The following PKHD1L1 variants were observed in gnomAD, a reference collection of about 807,000 sequenced individuals.
The protein encoded by PKHD1L1 is fibrocystin-L.
In PKHD1L1, 434 loss-of-function variants were observed where a neutral mutation model predicts 462.9. That is an observed-to-expected ratio of 0.94 (90% CI 0.87 to 1.02). PKHD1L1 has a LOEUF of 1.02. PKHD1L1 is among the 50% of genes least tolerant of loss of function. The probability of loss-of-function intolerance (pLI) is 0.00; values close to 1 mark genes in which losing one functional copy is unlikely to be tolerated. For missense variants in PKHD1L1, 5,202 were observed against 5,096.1 expected, an observed-to-expected ratio of 1.02 and a Z score of -0.63; for synonymous variants, 1,781 against 1,750.0, an observed-to-expected ratio of 1.02 and a Z score of -0.44.
chr8:109,375,088 C>A (rs1198516885), intron 2 of PKHD1L1, among the ~76,000 whole-genome samples: 5 of 152,202 alleles, frequency 3.3e-5, no homozygotes, highest in Non-Finnish European at 4.4e-5. Flanking sequence ...TAATATCCTG[C>A]AGAGCGTTTT....
At chr8:109,441,091 G>A (rs1182466925) in intron 33 of PKHD1L1, among the ~76,000 whole-genome samples, 184 bp from the exon 34 acceptor site, 5 of 151,892 alleles carry the variant, frequency 3.3e-5, no homozygotes, top group African/African-American at 7.3e-5. Flanking sequence ...GAGTTTTTCC[G>A]CAAATAATTA....
chr8:109,533,374 T>A lies in PKHD1L1; in HGVS notation c.*3284T>A, dbSNP rs1227872114. On this transcript the variant is annotated 3_prime_UTR_variant, in exon 78 of 78. Coordinates refer to ENST00000378402, the MANE Select transcript of PKHD1L1 (RefSeq NM_177531.6). The stretch of plus-strand genomic sequence containing the variant: ...GCCACTCTTGTTTTTATTTCCATAA[T>A]GTGGCCTATATCATGTCAATCCCTG... 6.6e-6 allele frequency among the ~76,000 whole-genome samples: 1 copy of A among 152,210 alleles called. No homozygotes were observed. Among genetic ancestry groups the A allele is most frequent in the African/African-American group, 2.4e-5 (1 of 41,450 alleles).
chr8:109,422,417 A>C (rs1476271217), intron 23 of PKHD1L1, among the ~76,000 whole-genome samples: 1 of 152,124 alleles, frequency 6.6e-6, no homozygotes, highest in Non-Finnish European at 1.5e-5. Flanking sequence ...TCATTCTCTC[A>C]ATAATTTTGT....
chr8:109,371,330 T>C (rs191764236), intron 2 of PKHD1L1, among the ~76,000 whole-genome samples: 4,685 of 152,290 alleles, frequency 0.031, 110 homozygotes, highest in South Asian at 0.071. Context: ...TCATATCCTT[T>C]GCCCACTTTT....
chr8:109,381,957 T>G (rs1205449713), intron 3 of PKHD1L1, among the ~76,000 whole-genome samples: 10 of 152,154 alleles, frequency 6.6e-5, no homozygotes, highest in Non-Finnish European at 1.3e-4. Context: ...TATTAGCAAC[T>G]TAGGAAAAAT....
intron 39 of PKHD1L1, among the ~76,000 whole-genome samples, chr8:109,449,024 A>C (rs1816331645): frequency 6.6e-6 from 1 of 152,150 alleles, no homozygotes; most frequent in Admixed American, 6.5e-5. Flanking sequence ...ATCTACTTAA[A>C]ATAGTAATTG....
chr8:109,479,712 C>G, intron 54 of PKHD1L1, 73 bp downstream of exon 54: 1 of 1,060,474 alleles, frequency 9.4e-7, no homozygotes, highest in Admixed American at 2.4e-5. Flanking sequence ...GTAGATGTCA[C>G]AGTTTTATCA....
chr8:109,386,195 C>T (rs1812433905), intron 6 of PKHD1L1, among the ~76,000 whole-genome samples: 4 of 152,144 alleles, frequency 2.6e-5, no homozygotes, highest in African/African-American at 9.7e-5. Flanking sequence ...GGCTAGTTAG[C>T]TAATGTCAAA....
intron 55 of PKHD1L1, chr8:109,480,473 G>T: frequency 4.7e-6 from 2 of 421,472 alleles, no homozygotes; most frequent in Admixed American, 5.9e-5. Context: ...ACAAGTAAAA[G>T]AATTTAAGCC....
chr8:109,464,475 A>G lies in PKHD1L1; in HGVS notation c.7643A>G (p.Gln2548Arg). 4 of 1,613,750 alleles carry G rather than the reference A, an allele frequency of 2.5e-6. No individual in the cohort carries two copies. Among genetic ancestry groups the G allele is most frequent in the Non-Finnish European group, 3.4e-6 (4 of 1,179,758 alleles). ...LQYNLAVFVQ[Q>R]STSLLNDDVT... ...TATAACTTGGCAGTATTTGTACAGCAAAGTACCAGTCTTCTGAATGATGAT... is the reference window on the plus strand; with the variant it reads ...TATAACTTGGCAGTATTTGTACAGCGAAGTACCAGTCTTCTGAATGATGAT... The change falls in exon 49 of 78, where the codon CAA becomes CGA. Residue 2548 changes from glutamine (Q) to arginine (R), a missense_variant. This residue lies in a region of PKHD1L1 where 4,497 missense variants were observed against 4,336.8 expected (regional missense o/e 1.04). Coordinates refer to ENST00000378402, the MANE Select transcript of PKHD1L1 (RefSeq NM_177531.6).
At chr8:109,368,098 T>C (rs1470454499) in intron 2 of PKHD1L1, among the ~76,000 whole-genome samples, 1 of 152,232 alleles carries the variant, frequency 6.6e-6, no homozygotes, top group Non-Finnish European at 1.5e-5. Flanking sequence ...TTATATTGGC[T>C]TTGTTACTTT....
intron 73 of PKHD1L1, among the ~76,000 whole-genome samples, chr8:109,519,499 T>A (rs1586660237): frequency 6.6e-6 from 1 of 152,182 alleles, no homozygotes; most frequent in South Asian, 2.1e-4. Context: ...ACTACTGAAC[T>A]TTCCTGGTCT....
rs750414331 is a variant in PKHD1L1 at position 109,438,992 on chromosome 8, C to A, written c.3856C>A (p.His1286Asn). 1 of 1,613,674 alleles carries A rather than the reference C, an allele frequency of 6.2e-7. No homozygotes were observed. Among genetic ancestry groups the A allele is most frequent in the South Asian group, 1.1e-5 (1 of 91,060 alleles). ...TGGAGGAAAAACCTGCCAGATTCTT[C>A]ACTGGAACTTCACAGATATTAGATG... ...YVGGKTCQILHWNFTDIRCLL... is the reference protein window; with the variant it reads ...YVGGKTCQILNWNFTDIRCLL... Residue 1286 changes from histidine to asparagine, a missense_variant, in exon 32 of 78, where the codon CAC (histidine) becomes AAC (asparagine). Physicochemically the swap from His to Asn is moderately conservative, Grantham distance 68 (BLOSUM62 1). This residue lies in a region of PKHD1L1 where 4,497 missense variants were observed against 4,336.8 expected (regional missense o/e 1.04). Coordinates refer to ENST00000378402, the MANE Select transcript of PKHD1L1 (RefSeq NM_177531.6).
At chr8:109,461,527 T>C (rs1817124263) in intron 47 of PKHD1L1, among the ~76,000 whole-genome samples, 1 of 152,198 alleles carries the variant, frequency 6.6e-6, no homozygotes, top group Admixed American at 6.6e-5. Context: ...ATCATTCAAA[T>C]ATTTGTTTAG....
In PKHD1L1 at chr8:109,523,028, G is replaced by C. The variant is rs1820632472; in HGVS notation, c.12330+138G>C. On this transcript the variant is annotated intron_variant, in intron 75 of 77. Coordinates refer to ENST00000378402, the MANE Select transcript of PKHD1L1 (RefSeq NM_177531.6). ...TTTCAGAAGTTGGACTAATATCCAA[G>C]GATACCATCTTGTAATGTCTCAAAA... is the stretch of plus-strand genomic sequence containing the variant. 13 of 1,073,226 alleles carry C rather than the reference G, an allele frequency of 1.2e-5. No homozygotes were observed. The South Asian group carries it at 2.1e-4, about 17-fold the overall frequency. 66.5% of individuals were successfully genotyped at this position (1,073,226 alleles called of 1,614,324 possible).
At chr8:109,521,629 A>G (rs1040166234) in intron 73 of PKHD1L1, among the ~76,000 whole-genome samples, 1 of 150,074 alleles carries the variant, frequency 6.7e-6, no homozygotes. Flanking sequence ...TTTAAGAGGA[A>G]ACCCCAGACC....
chr8:109,475,113 T>C lies in PKHD1L1; in HGVS notation c.8606-5T>C. On this transcript the variant is annotated splice_region_variant and splice_polypyrimidine_tract_variant and intron_variant, in intron 50 of 77. Transcript: ENST00000378402. ...ATTATTTTCTTGTTCTATGTTCTCC[T>C]ATAGGCACAAGCATTATTCCATTTC... 1 of 1,605,624 alleles carries C rather than the reference T, an allele frequency of 6.2e-7. No homozygotes were observed. The highest frequency in any genetic ancestry group is 8.5e-7 in the Non-Finnish European group (1 of 1,176,856).
chr8:109,492,837 G>C (rs1162430378), intron 62 of PKHD1L1, among the ~76,000 whole-genome samples: 1 of 151,786 alleles, frequency 6.6e-6, no homozygotes, highest in African/African-American at 2.4e-5. Context: ...CCATAGGGAA[G>C]AACGAAATGT....
chr8:109,462,803 G>A (rs1015046031), intron 48 of PKHD1L1, among the ~76,000 whole-genome samples: 2 of 152,084 alleles, frequency 1.3e-5, no homozygotes, highest in African/African-American at 2.4e-5. Context: ...GTCTCCCAAA[G>A]TGCTGGGATT....
Sources: gnomAD v4.1 joint callset for allele counts (sites outside exome capture counted in the v4.1 genomes callset) on GRCh38, gnomAD v4.1.1 for gene constraint, gnomAD v4.1.1 regional missense constraint, MANE v1.5 for transcripts, NCBI Gene and HGNC (gene_info 2026-07-23, HGNC 2026-07-21) for gene names.